Variants in KCNH5 observed in about 807,000 individuals in gnomAD.
KCNH5 encodes potassium voltage-gated channel subfamily H member 5.
Under a neutral mutation model 96.1 loss-of-function variants are expected in KCNH5, and 46 were observed. That is an observed-to-expected ratio of 0.48 (90% CI 0.38 to 0.61). The LOEUF (loss-of-function observed/expected upper bound fraction) is 0.61, where lower values mean the gene tolerates loss of function less well. KCNH5 is among the 20% of genes least tolerant of loss of function. KCNH5 has a pLI of 0.00. For synonymous variants in KCNH5, 439 were observed against 449.8 expected, an observed-to-expected ratio of 0.98 and a Z score of 0.30; for missense variants, 907 against 1,225.8, an observed-to-expected ratio of 0.74 and a Z score of 3.88.
rs1460237293 is a variant in KCNH5 at position 62,707,189 on chromosome 14, GGCAGGTTGGACCCT to G, written c.*305_*318del. 1 of 159,316 alleles carries G rather than the reference GGCAGGTTGGACCCT, an allele frequency of 6.3e-6. No individual in the cohort carries two copies. The highest frequency in any genetic ancestry group is 1.4e-5 in the Non-Finnish European group (1 of 73,080). The allele number at this position is 159,316 out of a possible 1,614,324, so 9.9% of individuals were successfully genotyped here. A position where few individuals can be genotyped will look rare whatever the true frequency, so the allele number is the denominator to read the frequency against. On this transcript the variant is annotated 3_prime_UTR_variant, in exon 11 of 11. Transcript: ENST00000322893. ...AGATCAAATTTGTCATGGCAACATT[GGCAGGTTGGACCCT>G]GATTCTTCAAATATTACATTGCCTT...
At position 62,707,028 on chromosome 14, in the gene KCNH5, G is replaced by GA. The variant is rs1331655301; in HGVS notation, c.*479dup. ...GAAAAGAACCTAACACTAAGTTACA[G>GA]AAAAATATCCTATGGAAAGAGATCA... On this transcript the variant is annotated 3_prime_UTR_variant, in exon 11 of 11. Transcript: ENST00000322893. 2 of 152,152 alleles carry GA rather than the reference G, an allele frequency of 1.3e-5. No individual in the cohort carries two copies. Among genetic ancestry groups the GA allele is most frequent in the Non-Finnish European group, 2.9e-5 (2 of 68,014 alleles). 9.4% of individuals were successfully genotyped at this position (152,152 alleles called of 1,614,324 possible).
rs937608968 is a variant in KCNH5 at position 62,707,762 on chromosome 14, C to G, written c.2713G>C (p.Ala905Pro). The change falls in exon 11 of 11, where the codon GCC becomes CCC. Residue 905 changes from alanine to proline, a missense_variant. This residue lies in a region of KCNH5 where 362 missense variants were observed against 394.4 expected (regional missense o/e 0.92). Transcript: ENST00000322893. ...ACTTCCTGCAGTGTGGTCTGTAAGG[C>G]CTGCTCGGGGATGGGATAAAAGGGG... ...KHPFYPIPEQ[A>P]LQTTLQEVKH... 2 of 1,613,966 alleles carry G rather than the reference C, an allele frequency of 1.2e-6. No individual in the cohort carries two copies. The highest frequency in any genetic ancestry group is 1.3e-5 in the African/African-American group (1 of 74,888).
chr14:62,851,995 G>A (rs1391056780), intron 7 of KCNH5, among the ~76,000 whole-genome samples: 3 of 152,102 alleles, frequency 2.0e-5, no homozygotes, highest in East Asian at 3.8e-4. Flanking sequence ...GCACTAATAA[G>A]TGAAGAATTA....
chr14:62,883,766 T>C (rs1036215973), intron 7 of KCNH5, among the ~76,000 whole-genome samples: 5 of 151,838 alleles, frequency 3.3e-5, no homozygotes, highest in African/African-American at 1.2e-4. Flanking sequence ...ACAATAATAA[T>C]AATAATACTA....
intron 6 of KCNH5, among the ~76,000 whole-genome samples, chr14:62,978,904 A>G (rs1890553426): frequency 6.6e-6 from 1 of 152,160 alleles, no homozygotes; most frequent in African/African-American, 2.4e-5. Flanking sequence ...CACAGTTATC[A>G]TTTTTGTGGT....
At position 62,981,055 on chromosome 14, in the gene KCNH5, C is replaced by T; in HGVS notation, c.759G>A (p.Val253=). ...TGTCAACCAGAAAAATAACGTCCAC[C>T]ACACTATCCAGTACCAGCCAGGCTA... The part of the protein sequence containing the change: ...NNIAWLVLDS[V]VDVIFLVDIV... The change falls in exon 6 of 11, where the codon GTG becomes GTA. Residue 253 remains valine, a synonymous_variant. Coordinates refer to ENST00000322893, the MANE Select transcript of KCNH5 (RefSeq NM_139318.5). 1 of 1,614,156 alleles carries T rather than the reference C, an allele frequency of 6.2e-7. No individual in the cohort carries two copies. The highest frequency in any genetic ancestry group is 8.5e-7 in the Non-Finnish European group (1 of 1,180,016).
At chr14:62,962,125 GAGATGA>G (rs980980389) in intron 6 of KCNH5, among the ~76,000 whole-genome samples, 2 of 152,030 alleles carry the variant, frequency 1.3e-5, no homozygotes, top group African/African-American at 2.4e-5. Flanking sequence ...GACAGGGATG[GAGATGA>G]AGATGGAGAT....
chr14:63,028,090 T>G (rs1891558690), intron 1 of KCNH5, among the ~76,000 whole-genome samples: 1 of 152,028 alleles, frequency 6.6e-6, no homozygotes, highest in African/African-American at 2.4e-5. Flanking sequence ...TTTAAACAAC[T>G]CTGCAAAGGC....
At chr14:62,974,820 T>C (rs1305136506) in intron 6 of KCNH5, among the ~76,000 whole-genome samples, 2 of 152,340 alleles carry the variant, frequency 1.3e-5, no homozygotes, top group South Asian at 4.1e-4. Flanking sequence ...AACATTTTAC[T>C]GCTTCAGGTC....
intron 8 of KCNH5, among the ~76,000 whole-genome samples, chr14:62,805,478 C>G (rs1414428858): frequency 6.6e-6 from 1 of 152,164 alleles, no homozygotes; most frequent in East Asian, 1.9e-4. Flanking sequence ...AAGCACCTTC[C>G]TTCTCCAACC....
At chr14:63,025,534 T>C (rs1891507746) in intron 1 of KCNH5, among the ~76,000 whole-genome samples, 1 of 151,386 alleles carries the variant, frequency 6.6e-6, no homozygotes, top group Non-Finnish European at 1.5e-5. Context: ...AGTTGTAGGA[T>C]ATGAAATCAA....
At chr14:63,023,511 T>G (rs913865063) in intron 1 of KCNH5, among the ~76,000 whole-genome samples, 1 of 152,202 alleles carries the variant, frequency 6.6e-6, no homozygotes, top group African/African-American at 2.4e-5. Context: ...ATAAATTATA[T>G]GCCTAGTCTG....
chr14:62,786,586 C>T (rs1205248708), intron 9 of KCNH5, among the ~76,000 whole-genome samples: 1 of 152,116 alleles, frequency 6.6e-6, no homozygotes, highest in Non-Finnish European at 1.5e-5. Context: ...ACAATACAGG[C>T]ATAATCCTCA....
chr14:62,739,070 T>C (rs1885218440), intron 10 of KCNH5, among the ~76,000 whole-genome samples: 1 of 152,116 alleles, frequency 6.6e-6, no homozygotes, highest in African/African-American at 2.4e-5. Flanking sequence ...TTGTGGTAAC[T>C]TTACCTATAA....
intron 7 of KCNH5, among the ~76,000 whole-genome samples, chr14:62,877,280 A>G (rs932746068): frequency 6.6e-5 from 10 of 151,730 alleles, no homozygotes; most frequent in Non-Finnish European, 1.3e-4. Context: ...GGACATAGGC[A>G]TGGGCAAGGA....
chr14:62,776,841 A>C (rs1265657651), intron 10 of KCNH5, among the ~76,000 whole-genome samples: 2 of 152,194 alleles, frequency 1.3e-5, no homozygotes, highest in African/African-American at 4.8e-5. Flanking sequence ...AAGCAGCTAA[A>C]GAAGGCTCAC....
chr14:62,826,228 T>C (rs1338598776), intron 8 of KCNH5, among the ~76,000 whole-genome samples: 1 of 152,196 alleles, frequency 6.6e-6, no homozygotes, highest in Non-Finnish European at 1.5e-5. Flanking sequence ...TACAGCTATG[T>C]TATTTGTCAC....
intron 2 of KCNH5, among the ~76,000 whole-genome samples, 170 bp from the exon 3 acceptor site, chr14:63,006,642 G>C (rs1891134037): frequency 6.6e-6 from 1 of 152,192 alleles, no homozygotes; most frequent in African/African-American, 2.4e-5. Flanking sequence ...CACAGTTCCT[G>C]TATGCACAGA....
chr14:62,878,205 G>GGT (rs199515523), intron 7 of KCNH5, among the ~76,000 whole-genome samples: 3,143 of 146,180 alleles, frequency 0.022, 52 homozygotes, highest in Middle Eastern at 0.031. Flanking sequence ...TGGGGATGGG[G>GGT]GGGGGGGCGG....
Sources: gnomAD v4.1 joint callset for allele counts (sites outside exome capture counted in the v4.1 genomes callset) on GRCh38, gnomAD v4.1.1 for gene constraint, gnomAD v4.1.1 regional missense constraint, MANE v1.5 for transcripts, NCBI Gene and HGNC (gene_info 2026-07-23, HGNC 2026-07-21) for gene names.